The following CDIN1 variants were observed in gnomAD, a reference collection of about 807,000 sequenced individuals.
The protein encoded by CDIN1 is CDAN1 interacting nuclease 1, also known as CDAN1-interacting nuclease 1.
CDIN1 carries 33 observed loss-of-function variants against 45.3 expected under a neutral mutation model. That is an observed-to-expected ratio of 0.73 (90% CI 0.55 to 0.97). CDIN1 has a LOEUF of 0.97. Among genes scored for constraint, CDIN1 ranks in the 50% least tolerant of loss-of-function variants. The probability of loss-of-function intolerance (pLI) is 0.00; values close to 1 mark genes in which losing one functional copy is unlikely to be tolerated. For missense variants in CDIN1, 303 were observed against 339.4 expected (o/e 0.89, Z 0.84); for synonymous variants, 118 against 124.4 (o/e 0.95, Z 0.34).
At chr15:36,668,234 G>T (rs2041323290) in intron 5 of CDIN1, 1 of 152,064 alleles carries the variant, frequency 6.6e-6, no homozygotes. Flanking sequence ...ATATTTTGTT[G>T]ATAATGTACC....
At position 36,623,253 on chromosome 15, in the gene CDIN1, GA is replaced by G. The variant is rs1374686234; in HGVS notation, c.102-21017del. ...TCTTATGTAAATAACATTAAAACCA[GA>G]AAAAAAAGGATGAAGAAATCACCTA... On this transcript the variant is annotated intron_variant, in intron 1 of 10. Coordinates refer to ENST00000566621, the MANE Select transcript of CDIN1 (RefSeq NM_001321759.2). Among the ~76,000 whole-genome samples, 8 of 150,932 alleles carry G rather than the reference GA, an allele frequency of 5.3e-5. No homozygotes were observed. The East Asian group carries it at 7.8e-4, about 15-fold the overall frequency.
chr15:36,668,143 A>T (rs2041319455), intron 5 of CDIN1: 1 of 152,102 alleles, frequency 6.6e-6, no homozygotes, highest in African/African-American at 2.4e-5. Context: ...TCAGTACAGG[A>T]CTAATTTTTC....
chr15:36,702,298 A>T (rs1276174853), intron 8 of CDIN1, among the ~76,000 whole-genome samples: 2 of 152,206 alleles, frequency 1.3e-5, no homozygotes, highest in Non-Finnish European at 2.9e-5. Flanking sequence ...AGAGATTGTC[A>T]TGGTGAGAGA....
At chr15:36,768,065 T>G (rs1354013791) in intron 10 of CDIN1, among the ~76,000 whole-genome samples, 1 of 152,216 alleles carries the variant, frequency 6.6e-6, no homozygotes, top group Non-Finnish European at 1.5e-5. Flanking sequence ...TGCCCTTAAC[T>G]GCCTCCCACC....
chr15:36,764,135 G>A (rs1187681576), intron 10 of CDIN1, among the ~76,000 whole-genome samples: 2 of 151,694 alleles, frequency 1.3e-5, no homozygotes, highest in Non-Finnish European at 1.5e-5. Context: ...TGATAAATTA[G>A]CAAAGCCAAT....
At chr15:36,782,850 G>A (rs79272007) in intron 10 of CDIN1, among the ~76,000 whole-genome samples, 2,229 of 152,228 alleles carry the variant, frequency 0.015, 30 homozygotes, top group East Asian at 0.034. Context: ...TGTTCCAAAC[G>A]TAGCATTGTA....
chr15:36,634,057 A>G (rs990064537), intron 1 of CDIN1, among the ~76,000 whole-genome samples: 3 of 151,862 alleles, frequency 2.0e-5, no homozygotes, highest in African/African-American at 7.3e-5. Context: ...CAACCCACCC[A>G]TGATACTTTA....
intron 1 of CDIN1, among the ~76,000 whole-genome samples, chr15:36,581,867 A>G (rs7173538): frequency 2.0e-5 from 3 of 152,182 alleles, no homozygotes; most frequent in African/African-American, 7.2e-5. Flanking sequence ...ACTTGAATGG[A>G]TCTTTTACCC....
chr15:36,683,856 C>T (rs1419895628), intron 5 of CDIN1, among the ~76,000 whole-genome samples: 1 of 120,012 alleles, frequency 8.3e-6, no homozygotes, highest in Non-Finnish European at 1.8e-5. Flanking sequence ...AATGGGAGTT[C>T]ACTCATGATT....
chr15:36,739,233 A>G (rs2044144328), intron 10 of CDIN1, among the ~76,000 whole-genome samples: 2 of 152,132 alleles, frequency 1.3e-5, no homozygotes, highest in African/African-American at 4.8e-5. Context: ...TTCAACAACA[A>G]CAAAAAACAA....
intron 5 of CDIN1, among the ~76,000 whole-genome samples, chr15:36,663,801 T>C (rs1419538821): frequency 6.6e-6 from 1 of 152,198 alleles, no homozygotes; most frequent in Admixed American, 6.5e-5. Context: ...TACTTTTAAA[T>C]AGATTTGGTA....
intron 4 of CDIN1, among the ~76,000 whole-genome samples, chr15:36,655,858 C>T: frequency 6.6e-6 from 1 of 152,176 alleles, no homozygotes; most frequent in East Asian, 1.9e-4. Context: ...AATTTATATT[C>T]ATTTGAATTT....
chr15:36,738,493 A>G (rs1029384396), intron 10 of CDIN1, among the ~76,000 whole-genome samples: 1 of 151,896 alleles, frequency 6.6e-6, no homozygotes, highest in African/African-American at 2.4e-5. Flanking sequence ...GTTCTGCCCC[A>G]GTTATTGTTC....
At chr15:36,613,247 T>G (rs1338373678) in intron 1 of CDIN1, among the ~76,000 whole-genome samples, 1 of 152,148 alleles carries the variant, frequency 6.6e-6, no homozygotes, top group Admixed American at 6.5e-5. Flanking sequence ...GGTATGCGGG[T>G]GTGGATGTTA....
chr15:36,641,928 C>G lies in CDIN1; in HGVS notation c.102-2350C>G, dbSNP rs552085554. The G allele has an allele frequency of 2.6e-5, 4 of 152,350 alleles. No homozygotes were observed. The East Asian group carries it at 5.8e-4, about 22-fold the overall frequency. 9.4% of individuals were successfully genotyped at this position (152,350 alleles called of 1,614,324 possible). ...CAGTTGCACAGAATCTTTCTCCTCT[C>G]CTCTTTAGCTGGCAACCACATTTCT... On this transcript the variant is annotated intron_variant, in intron 1 of 10. Coordinates refer to ENST00000566621, the MANE Select transcript of CDIN1 (RefSeq NM_001321759.2).
At chr15:36,774,695 G>C (rs972345947) in intron 10 of CDIN1, among the ~76,000 whole-genome samples, 1 of 152,136 alleles carries the variant, frequency 6.6e-6, no homozygotes, top group African/African-American at 2.4e-5. Flanking sequence ...ACATATGACC[G>C]TGTGATTAGT....
intron 10 of CDIN1, among the ~76,000 whole-genome samples, chr15:36,762,583 T>C (rs1730015163): frequency 6.6e-6 from 1 of 152,156 alleles, no homozygotes; most frequent in African/African-American, 2.4e-5. Flanking sequence ...CATGTTGGTG[T>C]GCTGCACCCA....
chr15:36,761,380 A>C (rs1475656663), intron 10 of CDIN1, among the ~76,000 whole-genome samples: 1 of 152,206 alleles, frequency 6.6e-6, no homozygotes, highest in Admixed American at 6.5e-5. Context: ...TCAGATTTAC[A>C]TATAGCATCC....
intron 10 of CDIN1, among the ~76,000 whole-genome samples, chr15:36,727,269 A>G (rs1595525937): frequency 6.6e-6 from 1 of 151,740 alleles, no homozygotes; most frequent in East Asian, 1.9e-4. Context: ...CCATATTTGT[A>G]TCTGCCAAAT....
Sources: allele counts gnomAD v4.1 joint callset (sites outside exome capture counted in the v4.1 genomes callset), GRCh38; gene constraint gnomAD v4.1.1; transcripts MANE v1.5; gene names NCBI Gene and HGNC (gene_info 2026-07-23, HGNC 2026-07-21).